Variants in TSHZ2 observed in about 807,000 individuals in gnomAD.
TSHZ2 encodes teashirt zinc finger homeobox 2.
In TSHZ2, 21 loss-of-function variants were observed where a neutral mutation model predicts 74.4. The ratio of observed to expected loss-of-function variants is 0.28; its 90% CI spans 0.20 to 0.41. TSHZ2 has a LOEUF of 0.41. Among genes scored for constraint, TSHZ2 ranks in the 10% least tolerant of loss-of-function variants. TSHZ2 has a pLI of 1.00. For synonymous variants in TSHZ2, 540 were observed against 515.3 expected (o/e 1.05, Z -0.65); for missense variants, 1,244 against 1,293.5 (o/e 0.96, Z 0.59).
intron 1 of TSHZ2, among the ~76,000 whole-genome samples, chr20:53,094,273 T>TA (rs755863269): frequency 1.7e-4 from 26 of 152,242 alleles, no homozygotes; most frequent in Non-Finnish European, 3.4e-4. Flanking sequence ...CCATGTTTGA[T>TA]ACGCTAGTTA....
chr20:53,004,692 G>C (rs892706073), intron 1 of TSHZ2, among the ~76,000 whole-genome samples: 1 of 152,096 alleles, frequency 6.6e-6, no homozygotes, highest in African/African-American at 2.4e-5. Context: ...AAATGTGTGG[G>C]CGTCCGTGTG....
At chr20:53,438,589 G>T (rs1185165726) in intron 2 of TSHZ2, among the ~76,000 whole-genome samples, 1 of 152,232 alleles carries the variant, frequency 6.6e-6, no homozygotes, top group East Asian at 1.9e-4. Flanking sequence ...CACATGCCCA[G>T]CCCTGTAGCT....
intron 2 of TSHZ2, among the ~76,000 whole-genome samples, chr20:53,283,428 A>G (rs1329381610): frequency 6.6e-6 from 1 of 152,080 alleles, no homozygotes; most frequent in Admixed American, 6.5e-5. Context: ...CATCACCCCT[A>G]TTTTACAGAT....
At chr20:53,468,029 C>T (rs1453217189) in intron 2 of TSHZ2, among the ~76,000 whole-genome samples, 2 of 152,094 alleles carry the variant, frequency 1.3e-5, no homozygotes, top group Non-Finnish European at 2.9e-5. Flanking sequence ...AATAACACCA[C>T]TCCTTCCTGC....
At chr20:53,007,334 G>A (rs542079515) in intron 1 of TSHZ2, among the ~76,000 whole-genome samples, 1 of 152,288 alleles carries the variant, frequency 6.6e-6, no homozygotes, top group South Asian at 2.1e-4. Flanking sequence ...GGTAAGGAAG[G>A]AGGTTCAGAA....
At chr20:53,329,408 C>T (rs1979626276) in intron 2 of TSHZ2, among the ~76,000 whole-genome samples, 1 of 152,218 alleles carries the variant, frequency 6.6e-6, no homozygotes, top group East Asian at 1.9e-4. Context: ...TGATTATACA[C>T]AGACCCCAGG....
intron 1 of TSHZ2, among the ~76,000 whole-genome samples, chr20:53,014,785 T>C (rs1982976704): frequency 6.6e-6 from 1 of 152,176 alleles, no homozygotes; most frequent in Non-Finnish European, 1.5e-5. Flanking sequence ...AGGGACTTAG[T>C]TGTTTTCATA....
intron 1 of TSHZ2, among the ~76,000 whole-genome samples, chr20:53,018,286 G>A (rs1033635683): frequency 6.6e-6 from 1 of 152,130 alleles, no homozygotes; most frequent in Non-Finnish European, 1.5e-5. Context: ...GTCTTTCCCA[G>A]CAGTTTTGTA....
intron 2 of TSHZ2, among the ~76,000 whole-genome samples, chr20:53,274,201 C>T (rs751140666): frequency 3.6e-4 from 55 of 152,146 alleles, no homozygotes; most frequent in Non-Finnish European, 6.6e-4. Flanking sequence ...ACCTGGGAGA[C>T]GGAGATTGCA....
At chr20:53,216,892 T>C (rs1485391303) in intron 1 of TSHZ2, among the ~76,000 whole-genome samples, 1 of 152,136 alleles carries the variant, frequency 6.6e-6, no homozygotes, top group Non-Finnish European at 1.5e-5. Flanking sequence ...CCCTGGCAGC[T>C]CCTGGCGACT....
At chr20:53,122,231 T>C (rs1986829599) in intron 1 of TSHZ2, among the ~76,000 whole-genome samples, 1 of 148,210 alleles carries the variant, frequency 6.7e-6, no homozygotes, top group African/African-American at 2.5e-5. Flanking sequence ...CAGGATGTGG[T>C]GAGCCAAGAT....
chr20:53,134,477 CTT>C lies in TSHZ2; in HGVS notation c.41-119018_41-119017del, dbSNP rs1162861132. ...ATATAAATTTTCTCATCATTTGACA[CTT>C]TTTATTGTCTCTGCTTACCATCTGA... On this transcript the variant is annotated intron_variant, in intron 1 of 2. Coordinates refer to ENST00000371497, the MANE Select transcript of TSHZ2 (RefSeq NM_173485.6). Among the ~76,000 whole-genome samples, 10 of 152,272 alleles carry C rather than the reference CTT, an allele frequency of 6.6e-5. No individual in the cohort carries two copies. The South Asian group carries it at 2.1e-3, about 32-fold the overall frequency.
chr20:53,328,938 T>A (rs893539650), intron 2 of TSHZ2, among the ~76,000 whole-genome samples: 2 of 152,184 alleles, frequency 1.3e-5, no homozygotes, highest in Admixed American at 1.3e-4. Context: ...TGTGAATAGT[T>A]AATTGAATCA....
intron 1 of TSHZ2, among the ~76,000 whole-genome samples, chr20:53,170,784 G>A (rs1408465425): frequency 6.6e-6 from 1 of 152,162 alleles, no homozygotes; most frequent in African/African-American, 2.4e-5. Context: ...TCCTTAAGGT[G>A]AGGGATATTG....
At chr20:53,202,576 T>G (rs1240218556) in intron 1 of TSHZ2, among the ~76,000 whole-genome samples, 1 of 152,126 alleles carries the variant, frequency 6.6e-6, no homozygotes, top group Non-Finnish European at 1.5e-5. Flanking sequence ...CTTTAAGAAA[T>G]AGAAGCTATT....
At chr20:53,390,231 A>G (rs760710185) in intron 2 of TSHZ2, among the ~76,000 whole-genome samples, 8 of 152,218 alleles carry the variant, frequency 5.3e-5, no homozygotes, top group Admixed American at 2.0e-4. Context: ...ATTACTTGGT[A>G]TTAATCCCAG....
At chr20:53,374,844 T>C (rs1405696914) in intron 2 of TSHZ2, among the ~76,000 whole-genome samples, 2 of 152,106 alleles carry the variant, frequency 1.3e-5, no homozygotes, top group African/African-American at 4.8e-5. Flanking sequence ...TGGGGCTGTT[T>C]TTTGCTCACC....
At chr20:53,125,503 G>C (rs1452756494) in intron 1 of TSHZ2, among the ~76,000 whole-genome samples, 1 of 152,164 alleles carries the variant, frequency 6.6e-6, no homozygotes. Context: ...GTTGCTCGCT[G>C]TATTACTATT....
intron 1 of TSHZ2, among the ~76,000 whole-genome samples, chr20:53,042,519 T>C (rs1460992705): frequency 1.3e-5 from 2 of 152,160 alleles, no homozygotes; most frequent in African/African-American, 2.4e-5. Context: ...ATTGTTATTA[T>C]GGATGAGGAA....
Sources: gnomAD v4.1 joint callset for allele counts (sites outside exome capture counted in the v4.1 genomes callset) on GRCh38, gnomAD v4.1.1 for gene constraint, MANE v1.5 for transcripts, NCBI Gene and HGNC (gene_info 2026-07-23, HGNC 2026-07-21) for gene names.